Variants in SORCS3 observed in about 807,000 individuals in gnomAD.
The protein encoded by SORCS3 is VPS10 domain-containing receptor SorCS3.
Under a neutral mutation model 146.3 loss-of-function variants are expected in SORCS3, and 57 were observed. The ratio of observed to expected loss-of-function variants is 0.39; its 90% CI spans 0.31 to 0.49. The LOEUF (loss-of-function observed/expected upper bound fraction) is 0.49, where lower values mean the gene tolerates loss of function less well. Among genes scored for constraint, SORCS3 ranks in the 20% least tolerant of loss-of-function variants. The pLI, the probability that SORCS3 is intolerant of heterozygous loss-of-function variation, is 0.92. For synonymous variants in SORCS3, 653 were observed against 618.5 expected (o/e 1.06, Z -0.83); for missense variants, 1,341 against 1,575.5 (o/e 0.85, Z 2.52).
intron 19 of SORCS3, among the ~76,000 whole-genome samples, chr10:105,220,298 G>A (rs536835361): frequency 6.6e-6 from 1 of 152,290 alleles, no homozygotes; most frequent in African/African-American, 2.4e-5. Flanking sequence ...TCCTGAAGCT[G>A]AATAAATGCA....
chr10:104,856,553 AATGT>A (rs916220460), intron 2 of SORCS3, among the ~76,000 whole-genome samples: 11 of 146,786 alleles, frequency 7.5e-5, no homozygotes, highest in African/African-American at 1.5e-4. Context: ...TATACATAGA[AATGT>A]ATGTATTTGT....
intron 7 of SORCS3, among the ~76,000 whole-genome samples, chr10:105,117,427 T>C (rs1441394498): frequency 6.6e-6 from 1 of 152,166 alleles, no homozygotes; most frequent in African/African-American, 2.4e-5. Flanking sequence ...GTAGAAGGCA[T>C]TGTTCTCATC....
intron 1 of SORCS3, among the ~76,000 whole-genome samples, chr10:104,728,598 G>T (rs2133451265): frequency 6.6e-6 from 1 of 152,246 alleles, no homozygotes; most frequent in South Asian, 2.1e-4. Flanking sequence ...TAAATATGAG[G>T]ACCTTGAAGC....
chr10:104,750,190 G>A (rs1239539009), intron 1 of SORCS3, among the ~76,000 whole-genome samples: 1 of 152,148 alleles, frequency 6.6e-6, no homozygotes, highest in Non-Finnish European at 1.5e-5. Context: ...CTAAGATAAT[G>A]AAGAGGAGGT....
At chr10:104,773,031 G>A (rs560656816) in intron 1 of SORCS3, among the ~76,000 whole-genome samples, 2 of 152,324 alleles carry the variant, frequency 1.3e-5, no homozygotes, top group East Asian at 3.9e-4. Flanking sequence ...TGGGTACTGT[G>A]GGGGTATCTC....
chr10:104,780,937 C>T (rs2133491970), intron 1 of SORCS3, among the ~76,000 whole-genome samples: 1 of 152,264 alleles, frequency 6.6e-6, no homozygotes, highest in South Asian at 2.1e-4. Context: ...TTACTATTTC[C>T]AGCACAGCTA....
intron 2 of SORCS3, among the ~76,000 whole-genome samples, chr10:104,846,816 G>C (rs1021589980): frequency 2.6e-4 from 39 of 152,170 alleles, no homozygotes; most frequent in Non-Finnish European, 4.4e-4. Flanking sequence ...ATCATGTGTA[G>C]AGAGTTCATG....
At chr10:104,706,813 A>C (rs1216310176) in intron 1 of SORCS3, among the ~76,000 whole-genome samples, 1 of 152,232 alleles carries the variant, frequency 6.6e-6, no homozygotes. Flanking sequence ...TAATGTATAC[A>C]TGTACATCTA....
At chr10:104,682,227 A>T (rs10884031) in intron 1 of SORCS3, among the ~76,000 whole-genome samples, 85,795 of 152,122 alleles carry the variant, frequency 0.56, 25,302 homozygotes, top group East Asian at 0.74. Context: ...CTTGGAAAAA[A>T]TCTTCATGCT....
intron 3 of SORCS3, among the ~76,000 whole-genome samples, chr10:104,943,064 AG>A (rs2019336220): frequency 6.6e-6 from 1 of 152,252 alleles, no homozygotes; most frequent in South Asian, 2.1e-4. Context: ...GAATATGGCA[AG>A]GTCACTGGAT....
At chr10:104,797,562 TA>T (rs2017571326) in intron 1 of SORCS3, among the ~76,000 whole-genome samples, 1 of 152,114 alleles carries the variant, frequency 6.6e-6, no homozygotes, top group Non-Finnish European at 1.5e-5. Flanking sequence ...ATATTGTTTG[TA>T]ATTGTTTGAC....
chr10:105,259,617 G>T (rs1405634046), intron 25 of SORCS3, among the ~76,000 whole-genome samples: 1 of 152,172 alleles, frequency 6.6e-6, no homozygotes, highest in Non-Finnish European at 1.5e-5. Flanking sequence ...AAATCATCAT[G>T]AGATGGCTTT....
At chr10:104,780,930 C>G (rs974914599) in intron 1 of SORCS3, among the ~76,000 whole-genome samples, 2 of 152,192 alleles carry the variant, frequency 1.3e-5, no homozygotes, top group Admixed American at 1.3e-4. Flanking sequence ...GTTATTATTA[C>G]TATTTCCAGC....
intron 5 of SORCS3, among the ~76,000 whole-genome samples, chr10:105,085,780 G>T (rs1240892706): frequency 6.6e-6 from 1 of 152,124 alleles, no homozygotes; most frequent in African/African-American, 2.4e-5. Flanking sequence ...GCATTTCCCT[G>T]TTTGTGTGAA....
chr10:104,836,004 C>T (rs532476782), intron 1 of SORCS3, among the ~76,000 whole-genome samples: 6 of 152,298 alleles, frequency 3.9e-5, no homozygotes, highest in East Asian at 3.9e-4. Context: ...CAGGAGTGTG[C>T]GTCAAGGCTG....
At chr10:104,977,545 G>GA (rs771815350) in intron 4 of SORCS3, 52 bp downstream of exon 4, 1 of 1,494,136 alleles carries the variant, frequency 6.7e-7, no homozygotes, top group South Asian at 1.3e-5. Flanking sequence ...ACCACCATGT[G>GA]AAAATCACTT....
intron 2 of SORCS3, among the ~76,000 whole-genome samples, chr10:104,899,392 G>C (rs1234407023): frequency 6.6e-6 from 1 of 152,214 alleles, no homozygotes; most frequent in East Asian, 1.9e-4. Flanking sequence ...CCATCCAGGA[G>C]AGAGGGTTTC....
chr10:104,769,678 G>A (rs982077532), intron 1 of SORCS3, among the ~76,000 whole-genome samples: 5 of 152,082 alleles, frequency 3.3e-5, no homozygotes, highest in Non-Finnish European at 7.3e-5. Flanking sequence ...TGAGACATCT[G>A]CTTGGAGCCA....
In SORCS3 at chr10:104,891,533, G is replaced by A. The variant is rs181571908; in HGVS notation, c.696-24300G>A. Among the ~76,000 whole-genome samples, 3 of 152,200 alleles carry A rather than the reference G, an allele frequency of 2.0e-5. 1 individual carries two copies. The highest frequency in any genetic ancestry group is 2.0e-4 in the Admixed American group (3 of 15,284). ...AATGTAGCCTGAAAACTCTGTCCAT[G>A]CAGGGTTAAGGGGCAATTACAAGGC... On this transcript the variant is annotated intron_variant, in intron 2 of 26. Coordinates refer to ENST00000369701, the MANE Select transcript of SORCS3 (RefSeq NM_014978.3).
Sources: gnomAD v4.1 joint callset for allele counts (sites outside exome capture counted in the v4.1 genomes callset) on GRCh38, gnomAD v4.1.1 for gene constraint, MANE v1.5 for transcripts, NCBI Gene and HGNC (gene_info 2026-07-23, HGNC 2026-07-21) for gene names.